Variants in IFT88 observed in about 807,000 individuals in gnomAD.
The protein encoded by IFT88 is intraflagellar transport protein 88 homolog.
In IFT88, 74 loss-of-function variants were observed where a neutral mutation model predicts 119.5. That is an observed-to-expected ratio of 0.62 (90% CI 0.51 to 0.75). IFT88 has a LOEUF of 0.75. Ranked by LOEUF, IFT88 falls within the 30% of genes least tolerant of loss-of-function variation. The probability of loss-of-function intolerance (pLI) is 0.00; values close to 1 mark genes in which losing one functional copy is unlikely to be tolerated. For missense variants in IFT88, 961 were observed against 977.7 expected (o/e 0.98, Z 0.23); for synonymous variants, 279 against 316.7 (o/e 0.88, Z 1.26).
chr13:20,685,899 T>A (rs748654259), intron 24 of IFT88, among the ~76,000 whole-genome samples: 25 of 152,186 alleles, frequency 1.6e-4, no homozygotes, highest in Non-Finnish European at 3.1e-4. Flanking sequence ...ATAAATTAAT[T>A]AAAATGCCCA....
At position 20,600,932 on chromosome 13, in the gene IFT88, A is replaced by G. The variant is rs531780756; in HGVS notation, c.813-773A>G. Among the ~76,000 whole-genome samples the G allele has an allele frequency of 3.9e-5, 6 of 152,360 alleles. No individual in the cohort carries two copies. In the South Asian group the frequency reaches 1.2e-3, roughly 32 times the overall value. ...CATACTATGAAATGCTATTTGACAA[A>G]AAAAGGAATGAAGTACTGATACATG... On this transcript the variant is annotated intron_variant, in intron 11 of 25. Transcript: ENST00000351808.
At chr13:20,602,493 G>A (rs2042769115) in intron 12 of IFT88, among the ~76,000 whole-genome samples, 1 of 152,062 alleles carries the variant, frequency 6.6e-6, no homozygotes, top group Admixed American at 6.6e-5. Flanking sequence ...GTATGAGCCT[G>A]GCCAAGGGTA....
intron 3 of IFT88, among the ~76,000 whole-genome samples, chr13:20,584,391 A>G (rs906493137): frequency 2.6e-5 from 4 of 152,154 alleles, no homozygotes; most frequent in Non-Finnish European, 5.9e-5. Flanking sequence ...TGTTATTCAA[A>G]CTAAATATTT....
rs758388595 is a variant in IFT88 at position 20,601,735 on chromosome 13, A to G, written c.843A>G (p.Thr281=). 2 of 1,610,914 alleles carry G rather than the reference A, an allele frequency of 1.2e-6. No homozygotes were observed. The highest frequency in any genetic ancestry group is 1.7e-6 in the Non-Finnish European group (2 of 1,177,502). ...RIKIMQNIGV[T]FIQAGQYSDA... ...AAATAATGCAGAATATTGGAGTTAC[A>G]TTTATTCAGGCTGGTCAGTATTCAG... is the stretch of plus-strand genomic sequence containing the variant. Residue 281 remains threonine (T), a synonymous_variant, in exon 12 of 26, where the codon ACA becomes ACG. Coordinates refer to ENST00000351808, the MANE Select transcript of IFT88 (RefSeq NM_006531.5).
At chr13:20,662,723 T>C (rs375974828) in intron 22 of IFT88, among the ~76,000 whole-genome samples, 1 of 149,798 alleles carries the variant, frequency 6.7e-6, no homozygotes, top group Non-Finnish European at 1.5e-5. Context: ...TTCTTACAAA[T>C]GTAAAGACAA....
At chr13:20,613,371 T>C (rs986082433) in intron 13 of IFT88, among the ~76,000 whole-genome samples, 2 of 152,098 alleles carry the variant, frequency 1.3e-5, no homozygotes, top group Non-Finnish European at 2.9e-5. Context: ...GAAATGCAGC[T>C]GAAAACTGCA....
intron 19 of IFT88, among the ~76,000 whole-genome samples, chr13:20,644,364 G>A (rs2050417802): frequency 6.6e-6 from 1 of 152,120 alleles, no homozygotes; most frequent in African/African-American, 2.4e-5. Flanking sequence ...GCCAAATGTG[G>A]TTGTGGCATG....
chr13:20,629,968 C>A (rs2442447), intron 15 of IFT88, among the ~76,000 whole-genome samples: 1 of 152,000 alleles, frequency 6.6e-6, no homozygotes, highest in African/African-American at 2.4e-5. Context: ...AGTGTCTGAC[C>A]GTTCCACACA....
At chr13:20,608,203 C>A in intron 13 of IFT88, 1 of 284,578 alleles carries the variant, frequency 3.5e-6, no homozygotes, top group Non-Finnish European at 7.1e-6. Flanking sequence ...TCCCCTGCCC[C>A]CACAGCAGTT....
At chr13:20,567,445 C>G (rs980365632) in intron 1 of IFT88, among the ~76,000 whole-genome samples, 189 bp downstream of exon 1, 6 of 152,248 alleles carry the variant, frequency 3.9e-5, no homozygotes, top group Non-Finnish European at 8.8e-5. Flanking sequence ...CTCAGGCTCC[C>G]GAGTTGTCTA....
chr13:20,571,557 G>C (rs922265406), intron 1 of IFT88, among the ~76,000 whole-genome samples: 1 of 152,080 alleles, frequency 6.6e-6, no homozygotes, highest in African/African-American at 2.4e-5. Flanking sequence ...TTTCTCCCAT[G>C]CTTCTGTCCA....
intron 3 of IFT88, 63 bp downstream of exon 3, chr13:20,583,082 T>G: frequency 9.7e-7 from 1 of 1,030,348 alleles, no homozygotes; most frequent in Admixed American, 1.8e-5. Context: ...TTTACCAGAT[T>G]AACCATTTTC....
chr13:20,601,828 T>C lies in IFT88; in HGVS notation c.936T>C (p.Thr312=), dbSNP rs1254428074. The change falls in exon 12 of 26, where the codon ACT becomes ACC. Residue 312 remains threonine, a synonymous_variant. Coordinates refer to ENST00000351808, the MANE Select transcript of IFT88 (RefSeq NM_006531.5). ...ATCTGAAGGCAGGCTACAACCTAAC[T>C]ATCTGTTATTTTGCTATTGGAGACC... ...APNLKAGYNL[T]ICYFAIGDRE... 3.1e-6 allele frequency: 5 copies of C among 1,613,244 alleles called. No individual in the cohort carries two copies. The East Asian group carries it at 8.9e-5, about 29-fold the overall frequency.
chr13:20,589,244 C>T (rs959849382), intron 3 of IFT88, among the ~76,000 whole-genome samples: 1 of 152,140 alleles, frequency 6.6e-6, no homozygotes, highest in Non-Finnish European at 1.5e-5. Flanking sequence ...AGTAGAATTC[C>T]TCTGTGAGTG....
chr13:20,681,159 A>C (rs1028091327), intron 24 of IFT88, among the ~76,000 whole-genome samples: 8 of 152,256 alleles, frequency 5.3e-5, no homozygotes, highest in Non-Finnish European at 8.8e-5. Context: ...AGAAAAATGT[A>C]GCTAGAGCTT....
At chr13:20,593,648 T>A (rs376606167) in intron 7 of IFT88, among the ~76,000 whole-genome samples, 2 of 152,152 alleles carry the variant, frequency 1.3e-5, no homozygotes, top group Admixed American at 6.6e-5. Context: ...TGTTATTTTT[T>A]ATCTTAATTA....
intron 15 of IFT88, among the ~76,000 whole-genome samples, chr13:20,628,159 T>C (rs1369870750): frequency 6.6e-6 from 1 of 152,224 alleles, no homozygotes; most frequent in Non-Finnish European, 1.5e-5. Flanking sequence ...GAAAAATTTA[T>C]GCCTTCTGTG....
At chr13:20,582,779 A>G (rs937883284) in intron 2 of IFT88, among the ~76,000 whole-genome samples, 178 bp from the exon 3 acceptor site, 3 of 152,164 alleles carry the variant, frequency 2.0e-5, no homozygotes, top group East Asian at 1.9e-4. Flanking sequence ...TGGGAGAGGA[A>G]GGAGGTTTGC....
Position 20,596,233 on chromosome 13 carries a change from TA to T in IFT88, c.486del (p.Lys162AsnfsTer4). On this transcript the variant is annotated frameshift_variant, in exon 8 of 26. Transcript: ENST00000351808. LOFTEE classifies it high-confidence loss of function. ...ESCIANSCGD[L>X]KLALEKAKDA... ...TGTATTGCCAATAGTTGTGGAGACTTAAAATTGGTAAGTTCATAAACAAGAT... is the reference window on the plus strand; with the variant it reads ...TGTATTGCCAATAGTTGTGGAGACTTAAATTGGTAAGTTCATAAACAAGAT... The T allele has an allele frequency of 1.4e-6, 2 of 1,467,328 alleles. No individual in the cohort carries two copies. The highest frequency in any genetic ancestry group is 1.9e-6 in the Non-Finnish European group (2 of 1,067,804). The allele number at this position is 1,467,328 out of a possible 1,614,324, so 90.9% of individuals were successfully genotyped here. A position where few individuals can be genotyped will look rare whatever the true frequency, so the allele number is the denominator to read the frequency against.
Sources: allele counts gnomAD v4.1 joint callset (sites outside exome capture counted in the v4.1 genomes callset), GRCh38; gene constraint gnomAD v4.1.1; transcripts MANE v1.5; gene names NCBI Gene and HGNC (gene_info 2026-07-23, HGNC 2026-07-21).